The following ZNF616 variants were observed in gnomAD, a reference collection of about 807,000 sequenced individuals.
ZNF616 encodes the protein zinc finger protein 616.
Under a neutral mutation model 7.6 loss-of-function variants are expected in ZNF616, and 5 were observed. That is an observed-to-expected ratio of 0.66 (90% CI 0.34 to 1.38). The LOEUF (loss-of-function observed/expected upper bound fraction) is 1.38, where lower values mean the gene tolerates loss of function less well. Ranked by LOEUF, ZNF616 falls within the 40% of genes most tolerant of loss-of-function variation. ZNF616 has a pLI of 0.04. For missense variants in ZNF616, 913 were observed against 948.3 expected, an observed-to-expected ratio of 0.96 and a Z score of 0.49; for synonymous variants, 319 against 317.2, an observed-to-expected ratio of 1.01 and a Z score of -0.06.
intron 1 of ZNF616, chr19:52,138,904 CT>C: frequency 6.5e-6 from 1 of 152,680 alleles, no homozygotes; most frequent in Non-Finnish European, 1.5e-5. Context: ...CGACTCTTAC[CT>C]TTTCCGCCCC....
In ZNF616 at chr19:52,116,534, C is replaced by T. The variant is rs1273635526; in HGVS notation, c.630G>A (p.Glu210=). 3.1e-6 allele frequency: 5 copies of T among 1,614,106 alleles called. No individual in the cohort carries two copies. Among genetic ancestry groups the T allele is most frequent in the Non-Finnish European group, 3.4e-6 (4 of 1,180,022 alleles). The part of the protein sequence containing the change: ...LINHQRIHTT[E]KPYKCNECGK... Reference sequence around the variant, plus strand: ...CACACTCATTGCATTTGTAAGGTTTCTCTGTAGTATGTATCCTCTGATGAT... The same window carrying T: ...CACACTCATTGCATTTGTAAGGTTTTTCTGTAGTATGTATCCTCTGATGAT... The change falls in exon 4 of 4, where the codon GAG becomes GAA. Residue 210 remains glutamate (E), a synonymous_variant. Coordinates refer to ENST00000600228, the MANE Select transcript of ZNF616 (RefSeq NM_178523.5).
At chr19:52,138,384 T>C (rs1490222009) in intron 1 of ZNF616, 14 of 152,134 alleles carry the variant, frequency 9.2e-5, no homozygotes, top group Non-Finnish European at 1.9e-4. Flanking sequence ...TGAGTACAAT[T>C]TAAAGAAACA....
At chr19:52,125,820 A>G (rs187296975) in intron 2 of ZNF616, among the ~76,000 whole-genome samples, 2 of 152,232 alleles carry the variant, frequency 1.3e-5, no homozygotes, top group Non-Finnish European at 2.9e-5. Flanking sequence ...GCCACTGAGC[A>G]AAAAGATAAC....
At chr19:52,129,950 T>C (rs2088943321) in intron 2 of ZNF616, among the ~76,000 whole-genome samples, 1 of 152,054 alleles carries the variant, frequency 6.6e-6, no homozygotes, top group South Asian at 2.1e-4. Flanking sequence ...GACTGGCTAA[T>C]TTTTGTATTT....
rs1283540280 is a variant in ZNF616 at position 52,113,770 on chromosome 19, C to T, written c.*1048G>A. 6.6e-6 allele frequency: 1 copy of T among 152,190 alleles called. No individual in the cohort carries two copies. The highest frequency in any genetic ancestry group is 1.5e-5 in the Non-Finnish European group (1 of 68,034). 9.4% of individuals were successfully genotyped at this position (152,190 alleles called of 1,614,324 possible). A position where few individuals can be genotyped will look rare whatever the true frequency, so the allele number is the denominator to read the frequency against. ...GGATAATGGCTTCCAGCTCCATCCA[C>T]ATCGCTGCAATGGACATGATCTCAT... On this transcript the variant is annotated 3_prime_UTR_variant, in exon 4 of 4. Coordinates refer to ENST00000600228, the MANE Select transcript of ZNF616 (RefSeq NM_178523.5).
chr19:52,127,860 G>T (rs192108240), intron 2 of ZNF616, among the ~76,000 whole-genome samples: 17 of 152,090 alleles, frequency 1.1e-4, no homozygotes, highest in Non-Finnish European at 2.1e-4. Context: ...TGAAAAACTG[G>T]CACAATGAAA....
At chr19:52,132,223 A>G (rs548460406) in intron 1 of ZNF616, among the ~76,000 whole-genome samples, 32 of 152,292 alleles carry the variant, frequency 2.1e-4, no homozygotes, top group Non-Finnish European at 4.0e-4. Context: ...GTATAGGGCC[A>G]CCGTCATCTG....
intron 1 of ZNF616, among the ~76,000 whole-genome samples, chr19:52,136,046 C>T (rs1420143332): frequency 6.8e-6 from 1 of 146,656 alleles, no homozygotes; most frequent in Non-Finnish European, 1.5e-5. Flanking sequence ...ATGAGACTCG[C>T]TAGAACCCAG....
chr19:52,132,600 G>A (rs2088970011), intron 1 of ZNF616, among the ~76,000 whole-genome samples: 1 of 150,298 alleles, frequency 6.7e-6, no homozygotes, highest in African/African-American at 2.4e-5. Flanking sequence ...TTGTTTAGAA[G>A]TGTGTAGCGC....
rs931045052 is a variant in ZNF616 at position 52,118,046 on chromosome 19, G to A, written c.140-1022C>T. ...CAACCTCCACTCCTAAGACTCAAGCGATCCTCCCACCTCAGCCTCTCAAAT... is the reference window on the plus strand; with the variant it reads ...CAACCTCCACTCCTAAGACTCAAGCAATCCTCCCACCTCAGCCTCTCAAAT... On this transcript the variant is annotated intron_variant, in intron 3 of 3. Coordinates refer to ENST00000600228, the MANE Select transcript of ZNF616 (RefSeq NM_178523.5). 6.6e-5 allele frequency among the ~76,000 whole-genome samples: 10 copies of A among 152,164 alleles called. No individual in the cohort carries two copies. In the East Asian group the frequency reaches 7.7e-4, roughly 12 times the overall value.
chr19:52,129,972 G>A (rs1227215100), intron 2 of ZNF616, among the ~76,000 whole-genome samples: 2 of 152,022 alleles, frequency 1.3e-5, no homozygotes, highest in Non-Finnish European at 2.9e-5. Context: ...CAGTAAAGAC[G>A]AGGTTTCACC....
rs767276542 is a variant in ZNF616 at position 52,116,092 on chromosome 19, A to G, written c.1072T>C (p.Cys358Arg). The change falls in exon 4 of 4, where the codon TGT (cysteine) becomes CGT (arginine). Residue 358 changes from cysteine to arginine, a missense_variant. By Grantham distance (180) the Cys-to-Arg change is radical (BLOSUM62 -3). Transcript: ENST00000600228. ...AGKKPYKCDV[C>R]GKAFRHRSNL... ...GATCTATGTCTGAATGCCTTGCCAC[A>G]TACATCACATTTATATGGTTTCTTT... is the stretch of plus-strand genomic sequence containing the variant. 2 of 1,614,216 alleles carry G rather than the reference A, an allele frequency of 1.2e-6. No individual in the cohort carries two copies. The highest frequency in any genetic ancestry group is 2.2e-5 in the South Asian group (2 of 91,090).
In ZNF616 at chr19:52,139,930, T is replaced by C. The variant is rs1390326870; in HGVS notation, c.-275A>G. ...AGGCCTTTCCCTGGCGCAATCTGCTTCCGGGAGTGACGGAAACTGCTAGCG... is the reference window on the plus strand; with the variant it reads ...AGGCCTTTCCCTGGCGCAATCTGCTCCCGGGAGTGACGGAAACTGCTAGCG... On this transcript the variant is annotated 5_prime_UTR_variant, in exon 1 of 4. Coordinates refer to ENST00000600228, the MANE Select transcript of ZNF616 (RefSeq NM_178523.5). The surrounding 1 kb of genome is among the most constrained non-coding windows in gnomAD (Gnocchi z 4.1). 1 of 152,104 alleles carries C rather than the reference T, an allele frequency of 6.6e-6. No homozygotes were observed. The highest frequency in any genetic ancestry group is 1.5e-5 in the Non-Finnish European group (1 of 68,074). The allele number at this position is 152,104 out of a possible 1,614,324, so 9.4% of individuals were successfully genotyped here. A position where few individuals can be genotyped will look rare whatever the true frequency, so the allele number is the denominator to read the frequency against.
rs747401137 is a variant in ZNF616 at position 52,124,038 on chromosome 19, T to G, written c.24A>C (p.Thr8=). 3 of 1,603,238 alleles carry G rather than the reference T, an allele frequency of 1.9e-6. No individual in the cohort carries two copies. Among genetic ancestry groups the G allele is most frequent in the African/African-American group, 1.3e-5 (1 of 74,198 alleles). ...AGAATTCTATGGCTACATCCTTGAA[T>G]GTCAAATGCCCCTGAAATGAAAAAC... The part of the protein sequence containing the change: MATQGHL[T]FKDVAIEFSQ... Residue 8 remains threonine, a synonymous_variant, in exon 3 of 4, where the codon ACA becomes ACC. Coordinates refer to ENST00000600228, the MANE Select transcript of ZNF616 (RefSeq NM_178523.5).
chr19:52,120,936 C>T (rs929471257), intron 3 of ZNF616, among the ~76,000 whole-genome samples: 11 of 152,166 alleles, frequency 7.2e-5, no homozygotes, highest in East Asian at 1.9e-4. Flanking sequence ...CTAAACTATA[C>T]GTTAAATTGG....
chr19:52,124,305 T>A (rs1346557864), intron 2 of ZNF616, among the ~76,000 whole-genome samples: 1 of 152,230 alleles, frequency 6.6e-6, no homozygotes, highest in African/African-American at 2.4e-5. Flanking sequence ...CACATGGTTA[T>A]CCCTTAAAAA....
Position 52,132,343 on chromosome 19 carries a change from C to G in ZNF616, c.-76-1755G>C, listed in dbSNP as rs148004050. Among the ~76,000 whole-genome samples the G allele has an allele frequency of 7.9e-5, 12 of 152,210 alleles. No homozygotes were observed. In the East Asian group the frequency reaches 2.3e-3, roughly 29 times the overall value. ...GCTGAACAGACAACAGAGGAGACAA[C>G]AGGACACAGAATTCTAGAGTTCAGG... is the stretch of plus-strand genomic sequence containing the variant. On this transcript the variant is annotated intron_variant, in intron 1 of 3. Transcript: ENST00000600228.
intron 3 of ZNF616, among the ~76,000 whole-genome samples, chr19:52,120,059 A>C (rs1053580068): frequency 6.6e-6 from 1 of 152,218 alleles, no homozygotes; most frequent in African/African-American, 2.4e-5. Context: ...GATGCAGAAG[A>C]AGACACGCTG....
In ZNF616 at chr19:52,116,114, C is replaced by T; in HGVS notation, c.1050G>A (p.Lys350=). 1 of 1,614,164 alleles carries T rather than the reference C, an allele frequency of 6.2e-7. No individual in the cohort carries two copies. The highest frequency in any genetic ancestry group is 8.5e-7 in the Non-Finnish European group (1 of 1,180,026). ...CACATACATCACATTTATATGGTTT[C>T]TTTCCTGCATGGATTACCTGATGTA... ...LTVHQVIHAG[K]KPYKCDVCGK... The change falls in exon 4 of 4, where the codon AAG becomes AAA. Residue 350 remains lysine (K), a synonymous_variant. Coordinates refer to ENST00000600228, the MANE Select transcript of ZNF616 (RefSeq NM_178523.5).
Sources: allele counts gnomAD v4.1 joint callset (sites outside exome capture counted in the v4.1 genomes callset), GRCh38; gene constraint gnomAD v4.1.1; non-coding constraint Gnocchi (gnomAD v3.1); transcripts MANE v1.5; gene names NCBI Gene and HGNC (gene_info 2026-07-23, HGNC 2026-07-21).